Variants in SLF1 observed in about 807,000 individuals in gnomAD.
SLF1 encodes the protein SMC5/6 complex localization factor 1, also known as SMC5-SMC6 complex localization factor protein 1.
SLF1 carries 105 observed loss-of-function variants against 123.0 expected under a neutral mutation model. The ratio of observed to expected loss-of-function variants is 0.85; its 90% CI spans 0.73 to 1.00. SLF1 has a LOEUF of 1.00. Ranked by LOEUF, SLF1 falls within the 50% of genes least tolerant of loss-of-function variation. The pLI is 0.00. For missense variants in SLF1, 1,239 were observed against 1,223.0 expected (o/e 1.01, Z -0.20); for synonymous variants, 434 against 406.6 (o/e 1.07, Z -0.81).
At chr5:94,636,710 A>ATTTTTTTTTTTTTTTTT (rs140191160) in intron 4 of SLF1, among the ~76,000 whole-genome samples, 1 of 75,464 alleles carries the variant, frequency 1.3e-5, no homozygotes, top group East Asian at 3.9e-4. Context: ...TATTTTACTG[A>ATTTTTTTTTTTTTTTTT]TTTTTTTTTT....
At chr5:94,651,915 C>T (rs1747769485) in intron 7 of SLF1, 70 bp downstream of exon 7, 2 of 794,224 alleles carry the variant, frequency 2.5e-6, no homozygotes, top group Non-Finnish European at 1.7e-6. Context: ...TTTTCTTTAG[C>T]TTTTAAAAAA....
rs1030930308 is a variant in SLF1 at position 94,632,219 on chromosome 5, A to G, written c.431+1476A>G. 2.0e-5 allele frequency among the ~76,000 whole-genome samples: 3 copies of G among 152,104 alleles called. No homozygotes were observed. In the South Asian group the frequency reaches 6.2e-4, roughly 32 times the overall value. On this transcript the variant is annotated intron_variant, in intron 4 of 20. Transcript: ENST00000265140. ...TCAATTGACCATGTATGTGTGGTCT[A>G]TTTCTGGACTTCCTGTTTGGTTCCA... is the stretch of plus-strand genomic sequence containing the variant.
rs573859292 is a variant in SLF1 at position 94,682,878 on chromosome 5, A to G, written c.1976-3695A>G. ...TGTTAAGTACCAGACAGTAAATATT[A>G]CTGGCTTTTTAGGCCCTACAGTCTC... is the stretch of plus-strand genomic sequence containing the variant. On this transcript the variant is annotated intron_variant, in intron 15 of 20. Coordinates refer to ENST00000265140, the MANE Select transcript of SLF1 (RefSeq NM_032290.4). 2.0e-5 allele frequency among the ~76,000 whole-genome samples: 3 copies of G among 152,368 alleles called. 1 individual carries two copies. The South Asian group carries it at 6.2e-4, about 32-fold the overall frequency.
chr5:94,624,768 T>G (rs1020682566), intron 1 of SLF1, among the ~76,000 whole-genome samples: 1 of 152,132 alleles, frequency 6.6e-6, no homozygotes, highest in African/African-American at 2.4e-5. Context: ...AGGCAAGATT[T>G]TAGACTTTTT....
intron 12 of SLF1, among the ~76,000 whole-genome samples, chr5:94,667,193 A>G (rs1749871947): frequency 6.6e-6 from 1 of 152,122 alleles, no homozygotes; most frequent in Non-Finnish European, 1.5e-5. Context: ...ACACTGTACT[A>G]CATTTTAGGG....
At position 94,678,788 on chromosome 5, in the gene SLF1, T is replaced by G. The variant is rs192357439; in HGVS notation, c.1828-20T>G. ...AATATTGTAATATATTTTAGTAATT[T>G]TTTTGTATCTTAATGTTAGGTCTTC... On this transcript the variant is annotated intron_variant, in intron 14 of 20. Coordinates refer to ENST00000265140, the MANE Select transcript of SLF1 (RefSeq NM_032290.4). 1.9e-6 allele frequency: 3 copies of G among 1,591,136 alleles called. No homozygotes were observed. Among genetic ancestry groups the G allele is most frequent in the African/African-American group, 2.7e-5 (2 of 74,082 alleles).
intron 5 of SLF1, among the ~76,000 whole-genome samples, chr5:94,647,901 A>C (rs2152476892): frequency 1.3e-5 from 2 of 152,284 alleles, no homozygotes; most frequent in Admixed American, 6.5e-5. Flanking sequence ...CATACATCTT[A>C]ATTTACAGAT....
intron 15 of SLF1, among the ~76,000 whole-genome samples, chr5:94,681,800 A>T (rs763782600): frequency 2.0e-5 from 3 of 152,060 alleles, no homozygotes; most frequent in Non-Finnish European, 4.4e-5. Context: ...TTCCAATTTC[A>T]TCCATGTCTA....
At chr5:94,657,186 A>C (rs2152482249) in intron 9 of SLF1, among the ~76,000 whole-genome samples, 1 of 151,810 alleles carries the variant, frequency 6.6e-6, no homozygotes, top group East Asian at 1.9e-4. Flanking sequence ...CATTTTTTCT[A>C]TAAATGTGCC....
chr5:94,679,239 A>G (rs1238100262), intron 15 of SLF1, among the ~76,000 whole-genome samples: 3 of 152,120 alleles, frequency 2.0e-5, no homozygotes, highest in African/African-American at 7.2e-5. Context: ...GTAATTTTGC[A>G]TTCTTATTTT....
Position 94,678,793 on chromosome 5 carries a change from G to A in SLF1, c.1828-15G>A. The A allele has an allele frequency of 6.3e-7, 1 of 1,593,524 alleles. No homozygotes were observed. ...TGTAATATATTTTAGTAATTTTTTTGTATCTTAATGTTAGGTCTTCAAACA... is the reference window on the plus strand; with the variant it reads ...TGTAATATATTTTAGTAATTTTTTTATATCTTAATGTTAGGTCTTCAAACA... On this transcript the variant is annotated splice_polypyrimidine_tract_variant and intron_variant, in intron 14 of 20. Coordinates refer to ENST00000265140, the MANE Select transcript of SLF1 (RefSeq NM_032290.4).
At chr5:94,626,022 G>A (rs1333703807) in intron 1 of SLF1, among the ~76,000 whole-genome samples, 1 of 151,978 alleles carries the variant, frequency 6.6e-6, no homozygotes, top group Non-Finnish European at 1.5e-5. Context: ...GGGAGGCCGA[G>A]GCAGGCAGAT....
chr5:94,663,699 G>T (rs1455089586), intron 10 of SLF1, 51 bp from the exon 11 acceptor site: 1 of 1,358,840 alleles, frequency 7.4e-7, no homozygotes, highest in African/African-American at 1.5e-5. Context: ...TGATTTGATT[G>T]CAAAATTTTA....
intron 20 of SLF1, among the ~76,000 whole-genome samples, chr5:94,693,042 G>T (rs960450624): frequency 1.3e-5 from 2 of 152,004 alleles, no homozygotes; most frequent in East Asian, 3.9e-4. Context: ...ATTACTTGTC[G>T]TTTTTATTTG....
At chr5:94,643,184 C>A in intron 4 of SLF1, 89 bp from the exon 5 acceptor site, 1 of 1,059,676 alleles carries the variant, frequency 9.4e-7, no homozygotes, top group South Asian at 1.7e-5. Context: ...AAAGTCCATT[C>A]GTACTCCTAA....
chr5:94,684,463 C>A (rs1199724097), intron 15 of SLF1, among the ~76,000 whole-genome samples: 1 of 151,954 alleles, frequency 6.6e-6, no homozygotes, highest in African/African-American at 2.4e-5. Context: ...CTTTGGGAGG[C>A]CAAGGCGGGC....
At chr5:94,670,039 TAAG>T (rs1417996285) in intron 12 of SLF1, 109 bp from the exon 13 acceptor site, 63 of 1,114,312 alleles carry the variant, frequency 5.7e-5, no homozygotes, top group Non-Finnish European at 6.6e-5. Context: ...CTTTCTATTT[TAAG>T]AAAATTTTAT....
At chr5:94,626,481 T>C (rs1435367994) in intron 1 of SLF1, among the ~76,000 whole-genome samples, 1 of 152,178 alleles carries the variant, frequency 6.6e-6, no homozygotes, top group Non-Finnish European at 1.5e-5. Context: ...TAAGGCACTT[T>C]CTTATGTTCT....
chr5:94,661,161 C>T (rs142370428), intron 9 of SLF1, among the ~76,000 whole-genome samples: 11 of 152,250 alleles, frequency 7.2e-5, no homozygotes, highest in African/African-American at 2.6e-4. Flanking sequence ...TGGAATAATG[C>T]CATTGAGTGG....
Sources: gnomAD v4.1 joint callset for allele counts (sites outside exome capture counted in the v4.1 genomes callset) on GRCh38, gnomAD v4.1.1 for gene constraint, MANE v1.5 for transcripts, NCBI Gene and HGNC (gene_info 2026-07-23, HGNC 2026-07-21) for gene names.